Variants in SYT1 observed in about 807,000 individuals in gnomAD.
SYT1 encodes the protein synaptotagmin-1.
A neutral mutation model predicts 44.8 loss-of-function variants in SYT1; 8 were observed. The ratio of observed to expected loss-of-function variants is 0.18; its 90% CI spans 0.10 to 0.32. The LOEUF (loss-of-function observed/expected upper bound fraction) is 0.32, where lower values mean the gene tolerates loss of function less well. SYT1 is among the 10% of genes least tolerant of loss of function. SYT1 has a pLI of 1.00. For missense variants in SYT1, 286 were observed against 509.3 expected (o/e 0.56, Z 4.22); for synonymous variants, 154 against 188.8 (o/e 0.82, Z 1.51).
intron 9 of SYT1, among the ~76,000 whole-genome samples, chr12:79,368,460 G>GA (rs1883644193): frequency 6.6e-6 from 1 of 151,198 alleles, no homozygotes; most frequent in Non-Finnish European, 1.5e-5. Context: ...CTAGATCCCT[G>GA]AGGAATTGCC....
intron 9 of SYT1, among the ~76,000 whole-genome samples, chr12:79,428,787 T>C (rs1488102568): frequency 6.6e-5 from 10 of 152,172 alleles, no homozygotes; most frequent in Admixed American, 4.6e-4. Context: ...CTTGCATTGC[T>C]ATAAAGGAAT....
chr12:79,314,191 A>G (rs1388063428), intron 8 of SYT1, among the ~76,000 whole-genome samples: 4 of 151,444 alleles, frequency 2.6e-5, no homozygotes, highest in Non-Finnish European at 4.4e-5. Flanking sequence ...AAAAAAAAAA[A>G]AATTAGCGGT....
chr12:79,179,520 T>TATATAGATATAGATATAGATATAGAG (rs1872356858), intron 3 of SYT1, among the ~76,000 whole-genome samples: 7 of 11,992 alleles, frequency 5.8e-4, no homozygotes, highest in East Asian at 9.8e-4. Context: ...TAGATATATC[T>TATATAGATATAGATATAGATATAGAG]ATATAGATAT....
intron 3 of SYT1, among the ~76,000 whole-genome samples, chr12:79,118,314 T>C (rs1024991687): frequency 6.6e-6 from 1 of 152,204 alleles, no homozygotes; most frequent in African/African-American, 2.4e-5. Flanking sequence ...TTTCAAGAAA[T>C]CAGCAGTCTC....
chr12:79,168,058 G>A (rs141351228), intron 3 of SYT1, among the ~76,000 whole-genome samples: 9 of 152,186 alleles, frequency 5.9e-5, no homozygotes, highest in African/African-American at 9.6e-5. Flanking sequence ...CCTGCTGTGC[G>A]GTCCAGTTCC....
chr12:79,178,944 ATATAGATATAGATATAGATATAG>A lies in SYT1; in HGVS notation c.-17-38558_-17-38536del, dbSNP rs1565840846. ...TATAGATATATCTATATAGATATAG[ATATAGATATAGATATAGATATAG>A]ATATATAGATATAGATATATCTATA... is the stretch of plus-strand genomic sequence containing the variant. On this transcript the variant is annotated intron_variant, in intron 3 of 10. Transcript: ENST00000261205. 5.1e-3 allele frequency among the ~76,000 whole-genome samples: 331 copies of A among 64,702 alleles called. 79 individuals carry two copies. Among genetic ancestry groups the A allele is most frequent in the African/African-American group, 0.03 (317 of 10,678 alleles). The allele number at this position is 64,702 out of a possible 152,430, so 42.4% of individuals were successfully genotyped here.
intron 1 of SYT1, among the ~76,000 whole-genome samples, chr12:78,967,075 G>C (rs1310130013): frequency 6.6e-6 from 1 of 152,082 alleles, no homozygotes; most frequent in East Asian, 1.9e-4. Flanking sequence ...CCCCAATGAT[G>C]ACATATTTTC....
intron 4 of SYT1, among the ~76,000 whole-genome samples, chr12:79,281,596 G>A (rs1469658708): frequency 6.6e-6 from 1 of 151,972 alleles, no homozygotes; most frequent in Non-Finnish European, 1.5e-5. Context: ...TCAGGTGATG[G>A]GTACACTAAA....
intron 4 of SYT1, among the ~76,000 whole-genome samples, chr12:79,284,859 G>C (rs1447344359): frequency 6.7e-6 from 1 of 150,266 alleles, no homozygotes; most frequent in Non-Finnish European, 1.5e-5. Flanking sequence ...AAAAAGAATT[G>C]ATAGCTAACA....
intron 9 of SYT1, among the ~76,000 whole-genome samples, chr12:79,409,545 C>T (rs984613548): frequency 2.0e-5 from 3 of 152,072 alleles, no homozygotes; most frequent in Non-Finnish European, 4.4e-5. Flanking sequence ...ACCTTACTAG[C>T]TTCTTATACC....
At chr12:79,145,671 A>G (rs942487294) in intron 3 of SYT1, among the ~76,000 whole-genome samples, 1 of 152,280 alleles carries the variant, frequency 6.6e-6, no homozygotes, top group African/African-American at 2.4e-5. Context: ...AACTTCCCCA[A>G]TATAACACAG....
At chr12:78,934,096 A>G (rs1225275483) in intron 1 of SYT1, among the ~76,000 whole-genome samples, 5 of 151,794 alleles carry the variant, frequency 3.3e-5, no homozygotes, top group African/African-American at 7.3e-5. Context: ...CTGTTTTTAC[A>G]TATATATATG....
chr12:78,967,196 T>C (rs1330713360), intron 1 of SYT1, among the ~76,000 whole-genome samples: 2 of 152,188 alleles, frequency 1.3e-5, no homozygotes, highest in African/African-American at 4.8e-5. Flanking sequence ...GTATCATTTG[T>C]GCCCTTGAGG....
In SYT1 at chr12:79,084,851, T is replaced by C. The variant is rs543260445; in HGVS notation, c.-18+37489T>C. On this transcript the variant is annotated intron_variant, in intron 3 of 10. Coordinates refer to ENST00000261205, the MANE Select transcript of SYT1 (RefSeq NM_005639.3). ...TTAATCAGATGTATAAAGAAAATAA[T>C]ACAGGTTGAGTATCCTGTAGCCAAA... Among the ~76,000 whole-genome samples, 4 of 152,236 alleles carry C rather than the reference T, an allele frequency of 2.6e-5. No homozygotes were observed. In the South Asian group the frequency reaches 8.3e-4, roughly 32 times the overall value.
chr12:78,940,770 G>C (rs1202875580), intron 1 of SYT1, among the ~76,000 whole-genome samples: 1 of 152,050 alleles, frequency 6.6e-6, no homozygotes, highest in Admixed American at 6.6e-5. Context: ...TTTATTTTTA[G>C]ATACATTTTC....
Position 79,291,997 on chromosome 12 carries a change from T to G in SYT1, c.352-11T>G. The G allele has an allele frequency of 1.2e-6, 2 of 1,613,358 alleles. No homozygotes were observed. The highest frequency in any genetic ancestry group is 1.7e-6 in the Non-Finnish European group (2 of 1,179,866). ...TCTGAAATTCACATGTGATCCTTTC[T>G]CTATACATAGGCCCTCAAGGATGAT... is the stretch of plus-strand genomic sequence containing the variant. On this transcript the variant is annotated splice_polypyrimidine_tract_variant and intron_variant, in intron 5 of 10. Coordinates refer to ENST00000261205, the MANE Select transcript of SYT1 (RefSeq NM_005639.3).
At chr12:79,439,918 T>TA (rs34505923) in intron 9 of SYT1, among the ~76,000 whole-genome samples, 129,177 of 146,700 alleles carry the variant, frequency 0.88, 56,890 homozygotes, top group East Asian at 0.98. Flanking sequence ...TTGAATTCTT[T>TA]AAAAAAAAAA....
chr12:79,100,583 A>G (rs1404268766), intron 3 of SYT1, among the ~76,000 whole-genome samples: 1 of 152,142 alleles, frequency 6.6e-6, no homozygotes, highest in Non-Finnish European at 1.5e-5. Context: ...AAAAAGGTAT[A>G]AACCAAAATA....
chr12:79,243,690 C>A (rs1481024685), intron 4 of SYT1, among the ~76,000 whole-genome samples: 1 of 152,066 alleles, frequency 6.6e-6, no homozygotes, highest in Non-Finnish European at 1.5e-5. Flanking sequence ...CAAACCTCTA[C>A]TCCTTAAATG....
Sources: gnomAD v4.1 joint callset for allele counts (sites outside exome capture counted in the v4.1 genomes callset) on GRCh38, gnomAD v4.1.1 for gene constraint, MANE v1.5 for transcripts, NCBI Gene and HGNC (gene_info 2026-07-23, HGNC 2026-07-21) for gene names.